TCF3: variants seen among roughly 807,000 people sequenced by gnomAD.
TCF3 encodes transcription factor 3, also known as transcription factor E2-alpha.
Under a neutral mutation model 72.3 loss-of-function variants are expected in TCF3, and 54 were observed. That is an observed-to-expected ratio of 0.75 (90% CI 0.60 to 0.94). The LOEUF (loss-of-function observed/expected upper bound fraction) is 0.94, where lower values mean the gene tolerates loss of function less well. Among genes scored for constraint, TCF3 ranks in the 40% least tolerant of loss-of-function variants. The pLI is 0.00. For synonymous variants in TCF3, 525 were observed against 412.6 expected (o/e 1.27, Z -3.30); for missense variants, 1,078 against 934.4 (o/e 1.15, Z -2.00).
At position 1,649,973 on chromosome 19, in the gene TCF3, C is replaced by T. The variant is rs145374939; in HGVS notation, c.72+204G>A. Among the ~76,000 whole-genome samples the T allele has an allele frequency of 3.6e-3, 544 of 152,340 alleles. 3 individuals carry two copies. Among genetic ancestry groups the T allele is most frequent in the African/African-American group, 0.012 (509 of 41,578 alleles). On this transcript the variant is annotated intron_variant, in intron 2 of 18. Transcript: ENST00000262965. Reference sequence around the variant, plus strand: ...TAGGCTGTAGAATGCTGCGTCCGGGCAAAAGCCCCATAGCACACGTGCTGC... The same window carrying T: ...TAGGCTGTAGAATGCTGCGTCCGGGTAAAAGCCCCATAGCACACGTGCTGC...
chr19:1,627,454 G>C (rs377054728), intron 5 of TCF3, 28 bp from the exon 6 acceptor site: 23 of 1,609,084 alleles, frequency 1.4e-5, no homozygotes, highest in Non-Finnish European at 1.9e-5. Context: ...AGGTTAGTGG[G>C]AGGCGACCCC....
intron 5 of TCF3, among the ~76,000 whole-genome samples, chr19:1,629,684 T>G (rs2063462086): frequency 6.6e-6 from 1 of 152,146 alleles, no homozygotes; most frequent in South Asian, 2.1e-4. Flanking sequence ...CTGAGCCACT[T>G]AAATCCCCTT....
chr19:1,635,519 GC>G (rs1456471190), intron 3 of TCF3, among the ~76,000 whole-genome samples: 2 of 151,330 alleles, frequency 1.3e-5, no homozygotes, highest in African/African-American at 4.9e-5. Context: ...CCCTGCCTGA[GC>G]CCCTTCCCAG....
At chr19:1,639,670 T>C (rs1429330444) in intron 3 of TCF3, among the ~76,000 whole-genome samples, 2 of 142,732 alleles carry the variant, frequency 1.4e-5, no homozygotes, top group African/African-American at 5.3e-5. Flanking sequence ...GTTTTGGCAC[T>C]GGAGATCTAG....
Position 1,621,807 on chromosome 19 carries a change from G to A in TCF3, c.955+31C>T, listed in dbSNP as rs572527334. The A allele has an allele frequency of 1.6e-4, 243 of 1,556,244 alleles. No homozygotes were observed. In the East Asian group the frequency reaches 4.4e-3, roughly 28 times the overall value. On this transcript the variant is annotated intron_variant, in intron 11 of 18. Coordinates refer to ENST00000262965, the MANE Select transcript of TCF3 (RefSeq NM_003200.5). ...CCTGCCTGGAGCCCAGTGTCCCCTC[G>A]GAGAGGCCGCATCCCAGGGAGGGGC...
At chr19:1,646,233 G>A (rs1170030556) in intron 3 of TCF3, 122 bp downstream of exon 3, 3 of 1,097,252 alleles carry the variant, frequency 2.7e-6, no homozygotes, top group East Asian at 2.7e-5. Context: ...GACCCGGCCT[G>A]TGTGGCCCTT....
Position 1,627,546 on chromosome 19 carries a change from C to T in TCF3, c.299-120G>A, listed in dbSNP as rs549730866. The stretch of plus-strand genomic sequence containing the variant: ...TAAGTGCACACGACTGAGAGCGCCA[C>T]GGCAGGATGCTGGCAGAGCCTGACC... On this transcript the variant is annotated intron_variant, in intron 5 of 18. Transcript: ENST00000262965. 83 of 870,998 alleles carry T rather than the reference C, an allele frequency of 9.5e-5. No individual in the cohort carries two copies. In the African/African-American group the frequency reaches 9.5e-4, roughly 10 times the overall value. The allele number at this position is 870,998 out of a possible 1,614,324, so 54.0% of individuals were successfully genotyped here. A position where few individuals can be genotyped will look rare whatever the true frequency, so the allele number is the denominator to read the frequency against.
Position 1,615,530 on chromosome 19 carries a change from G to A in TCF3, c.1587-10C>T, listed in dbSNP as rs747270487. The A allele has an allele frequency of 6.2e-6, 10 of 1,606,156 alleles. No individual in the cohort carries two copies. In the Admixed American group the frequency reaches 6.7e-5, roughly 11 times the overall value. On this transcript the variant is annotated splice_polypyrimidine_tract_variant and intron_variant, in intron 17 of 18. Transcript: ENST00000262965. The surrounding 1 kb of genome is among the most constrained non-coding windows in gnomAD (Gnocchi z 7.3). ...CTCGTCCTCGTCTGGGCTATGGGGA[G>A]GGCGCCGGGAGGGGGCCAGAGGGAG...
In TCF3 at chr19:1,611,521, G is replaced by T; in HGVS notation, c.*186C>A. 1 of 717,364 alleles carries T rather than the reference G, an allele frequency of 1.4e-6. No homozygotes were observed. Among genetic ancestry groups the T allele is most frequent in the Non-Finnish European group, 2.2e-6 (1 of 463,106 alleles). The allele number at this position is 717,364 out of a possible 1,614,324, so 44.4% of individuals were successfully genotyped here. A position where few individuals can be genotyped will look rare whatever the true frequency, so the allele number is the denominator to read the frequency against. ...GAGTGGTAGGCCAGGGCCCCAGGGA[G>T]CTCCTGGACCCAGTGTCACCTTGGC... On this transcript the variant is annotated 3_prime_UTR_variant, in exon 19 of 19. Coordinates refer to ENST00000262965, the MANE Select transcript of TCF3 (RefSeq NM_003200.5).
chr19:1,635,595 C>A (rs1323712173), intron 3 of TCF3, among the ~76,000 whole-genome samples: 1 of 152,122 alleles, frequency 6.6e-6, no homozygotes, highest in Non-Finnish European at 1.5e-5. Context: ...AACACCCACC[C>A]TCAACGTCTT....
chr19:1,627,389 C>A lies in TCF3; in HGVS notation c.336G>T (p.Gly112=), dbSNP rs755092926. The A allele has an allele frequency of 8.7e-6, 14 of 1,611,754 alleles. 1 individual carries two copies. In the South Asian group the frequency reaches 1.5e-4, roughly 18 times the overall value. ...TCAGGCCGCCCACGCCTGCGTCTCTCCCGAAGGAGGCATAGGCGCCCCGCT... is the reference window on the plus strand; with the variant it reads ...TCAGGCCGCCCACGCCTGCGTCTCTACCGAAGGAGGCATAGGCGCCCCGCT... ...SGERGAYASF[G]RDAGVGGLTQ... The change falls in exon 6 of 19, where the codon GGG becomes GGT. Residue 112 remains glycine, a synonymous_variant. Transcript: ENST00000262965.
In TCF3 at chr19:1,619,272, G is replaced by A. The variant is rs143086577; in HGVS notation, c.1327-38C>T. ...GGAGACGGGTGCATCAGGGGGAGCC[G>A]GGTCCCCGCCCACTGCCCAGCTCCA... On this transcript the variant is annotated intron_variant, in intron 15 of 18. Transcript: ENST00000262965. The A allele has an allele frequency of 3.8e-4, 603 of 1,570,912 alleles. 3 individuals are homozygous for A. In the African/African-American group the frequency reaches 4.9e-3, roughly 13 times the overall value.
At chr19:1,633,315 A>G (rs2063947356) in intron 3 of TCF3, among the ~76,000 whole-genome samples, 1 of 151,990 alleles carries the variant, frequency 6.6e-6, no homozygotes, top group Non-Finnish European at 1.5e-5. Flanking sequence ...TGATTTACAA[A>G]CAGGCCCTAC....
At chr19:1,650,393 A>C in intron 1 of TCF3, 106 bp from the exon 2 acceptor site, 1 of 826,510 alleles carries the variant, frequency 1.2e-6, no homozygotes, top group East Asian at 2.7e-5. Flanking sequence ...AAAACCCTCA[A>C]CCGCCCTGGG....
At position 1,626,457 on chromosome 19, in the gene TCF3, A is replaced by G. The variant is rs116531973; in HGVS notation, c.367-749T>C. ...GAGCGAAACTCCGTCTCAAAAAAAAAAAAAAGAATCATCTGTTCTATCATC... is the reference window on the plus strand; with the variant it reads ...GAGCGAAACTCCGTCTCAAAAAAAAGAAAAAGAATCATCTGTTCTATCATC... On this transcript the variant is annotated intron_variant, in intron 6 of 18. Transcript: ENST00000262965. Among the ~76,000 whole-genome samples, 740 of 152,202 alleles carry G rather than the reference A, an allele frequency of 4.9e-3. 6 individuals carry two copies. The highest frequency in any genetic ancestry group is 0.017 in the African/African-American group (713 of 41,550).
intron 3 of TCF3, among the ~76,000 whole-genome samples, chr19:1,642,981 T>C (rs1391916184): frequency 2.6e-5 from 4 of 152,182 alleles, no homozygotes; most frequent in East Asian, 1.9e-4. Context: ...AAATGAAAAA[T>C]AGGAAAGAAC....
intron 3 of TCF3, among the ~76,000 whole-genome samples, chr19:1,645,872 C>A (rs1156963703): frequency 6.6e-6 from 1 of 152,196 alleles, no homozygotes; most frequent in East Asian, 1.9e-4. Flanking sequence ...GGCCGGTCAC[C>A]CTGGTGCTGG....
chr19:1,641,463 T>C (rs1285908744), intron 3 of TCF3, among the ~76,000 whole-genome samples: 1 of 152,072 alleles, frequency 6.6e-6, no homozygotes, highest in Non-Finnish European at 1.5e-5. Flanking sequence ...CAATATTTTT[T>C]TATTCTTCAG....
At chr19:1,647,931 G>A (rs903450801) in intron 2 of TCF3, among the ~76,000 whole-genome samples, 11 of 152,182 alleles carry the variant, frequency 7.2e-5, no homozygotes, top group African/African-American at 1.4e-4. Flanking sequence ...AGTCTCGCAC[G>A]CGGCAGGGCC....
Sources: gnomAD v4.1 joint callset for allele counts (sites outside exome capture counted in the v4.1 genomes callset) on GRCh38, gnomAD v4.1.1 for gene constraint, Gnocchi (gnomAD v3.1) non-coding constraint, MANE v1.5 for transcripts, NCBI Gene and HGNC (gene_info 2026-07-23, HGNC 2026-07-21) for gene names.